LINGO2: variants seen among roughly 807,000 people sequenced by gnomAD.
LINGO2 encodes leucine rich repeat and Ig domain containing 2, also known as leucine-rich repeat and immunoglobulin-like domain-containing nogo receptor-interacting protein 2.
In LINGO2, 14 loss-of-function variants were observed where a neutral mutation model predicts 30.6. The ratio of observed to expected loss-of-function variants is 0.46; its 90% CI spans 0.30 to 0.72. The LOEUF (loss-of-function observed/expected upper bound fraction) is 0.72, where lower values mean the gene tolerates loss of function less well. Ranked by LOEUF, LINGO2 falls within the 30% of genes least tolerant of loss-of-function variation. The pLI, the probability that LINGO2 is intolerant of heterozygous loss-of-function variation, is 0.07. For missense variants in LINGO2, 729 were observed against 751.7 expected (o/e 0.97, Z 0.35); for synonymous variants, 317 against 288.5 (o/e 1.10, Z -1.00).
At position 28,049,731 on chromosome 9, in the gene LINGO2, A is replaced by G. The variant is rs1429851131; in HGVS notation, c.-86-37326T>C. Among the ~76,000 whole-genome samples the G allele has an allele frequency of 6.0e-5, 9 of 150,646 alleles. 1 individual carries two copies. The East Asian group carries it at 1.6e-3, about 26-fold the overall frequency. ...CTGATGCGGCAGGTCTAACAGGTCTATTTCAAGGGCTTTGACATTACTGGA... is the reference window on the plus strand; with the variant it reads ...CTGATGCGGCAGGTCTAACAGGTCTGTTTCAAGGGCTTTGACATTACTGGA... On this transcript the variant is annotated intron_variant, in intron 4 of 5. Coordinates refer to ENST00000379992, the Ensembl canonical transcript of LINGO2.
At chr9:28,050,343 A>G (rs1371298891) in intron 4 of LINGO2, among the ~76,000 whole-genome samples, 1 of 150,732 alleles carries the variant, frequency 6.6e-6, no homozygotes, top group Non-Finnish European at 1.5e-5. Context: ...CACTTTGGTT[A>G]AAGCCCCATA....
the LINGO2 span, among the ~76,000 whole-genome samples, chr9:29,072,989 T>C: frequency 2.0e-5 from 3 of 146,354 alleles, no homozygotes; most frequent in South Asian, 7.1e-4. Flanking sequence ...TCTCTCCTCC[T>C]ATCTCCCATG....
intron 1 of LINGO2, among the ~76,000 whole-genome samples, chr9:28,665,482 C>T (rs1471950689): frequency 6.6e-6 from 1 of 152,016 alleles, no homozygotes; most frequent in Non-Finnish European, 1.5e-5. Flanking sequence ...AAAAACCTTG[C>T]TATTTGGAGT....
chr9:28,489,902 A>C (rs1245605498), intron 1 of LINGO2, among the ~76,000 whole-genome samples: 2 of 150,590 alleles, frequency 1.3e-5, no homozygotes, highest in South Asian at 4.2e-4. Flanking sequence ...GTCTCAAAAA[A>C]AAAAAAAAAA....
chr9:27,940,416 T>C, the LINGO2 span: 1 of 152,148 alleles, frequency 6.6e-6, no homozygotes, highest in Non-Finnish European at 1.5e-5. Context: ...TAGAAGCCAG[T>C]GTTTTCAGAT....
At chr9:29,182,553 G>A in the LINGO2 span, among the ~76,000 whole-genome samples, 4 of 152,228 alleles carry the variant, frequency 2.6e-5, no homozygotes, top group East Asian at 7.7e-4. Flanking sequence ...TCTTAACAGG[G>A]AAAAATGCTG....
the LINGO2 span, among the ~76,000 whole-genome samples, chr9:28,786,199 G>A: frequency 6.6e-6 from 1 of 152,128 alleles, no homozygotes; most frequent in Non-Finnish European, 1.5e-5. Flanking sequence ...TATCAGAGAA[G>A]TTACTGTTAA....
intron 1 of LINGO2, among the ~76,000 whole-genome samples, chr9:28,549,021 G>A (rs1035489802): frequency 4.0e-5 from 6 of 151,834 alleles, no homozygotes; most frequent in African/African-American, 1.5e-4. Context: ...ACATTAACCT[G>A]TACACAGTTC....
intron 2 of LINGO2, among the ~76,000 whole-genome samples, chr9:28,430,103 CGCGCGCGTGTGT>C (rs1187923456): frequency 1.1e-4 from 8 of 73,378 alleles, no homozygotes; most frequent in Admixed American, 6.9e-4. Flanking sequence ...TCCACGCGCG[CGCGCGCGTGTGT>C]GTGTGTGTGT....
chr9:28,990,136 A>C, the LINGO2 span, among the ~76,000 whole-genome samples: 1 of 152,100 alleles, frequency 6.6e-6, no homozygotes, highest in African/African-American at 2.4e-5. Context: ...TCCCTTTCCT[A>C]GTCAAAGAAA....
chr9:28,185,137 G>A (rs556529111), intron 4 of LINGO2, among the ~76,000 whole-genome samples: 1 of 152,024 alleles, frequency 6.6e-6, no homozygotes, highest in Non-Finnish European at 1.5e-5. Context: ...TTATTACTTT[G>A]GTTTAAGCAT....
intron 1 of LINGO2, among the ~76,000 whole-genome samples, chr9:28,485,170 C>T (rs977490584): frequency 6.6e-6 from 1 of 152,244 alleles, no homozygotes; most frequent in South Asian, 2.1e-4. Flanking sequence ...TCTTTGATTA[C>T]AATTTGACCC....
intron 3 of LINGO2, among the ~76,000 whole-genome samples, chr9:28,370,805 T>A (rs950537021): frequency 6.6e-6 from 1 of 152,206 alleles, no homozygotes; most frequent in African/African-American, 2.4e-5. Context: ...CCCTATTTGG[T>A]CATTAGTGAA....
At position 28,132,533 on chromosome 9, in the gene LINGO2, T is replaced by C. The variant is rs1030934867; in HGVS notation, c.-86-120128A>G. 1.7e-4 allele frequency among the ~76,000 whole-genome samples: 26 copies of C among 152,292 alleles called. 1 individual carries two copies. The highest frequency in any genetic ancestry group is 9.2e-4 in the Admixed American group (14 of 15,300). On this transcript the variant is annotated intron_variant, in intron 4 of 5. Transcript: ENST00000379992. ...TTCAGTTAGATAGCTTTTAGCTCCA[T>C]GGCCAGTTATTTAGATTTCCTGAGG...
At chr9:28,648,595 T>C (rs1034385209) in intron 1 of LINGO2, among the ~76,000 whole-genome samples, 1 of 152,136 alleles carries the variant, frequency 6.6e-6, no homozygotes, top group African/African-American at 2.4e-5. Context: ...TAAAATATTA[T>C]GCTGTTTAAT....
intron 4 of LINGO2, among the ~76,000 whole-genome samples, chr9:28,196,747 C>A (rs756295336): frequency 2.0e-4 from 30 of 151,852 alleles, no homozygotes; most frequent in Admixed American, 1.2e-3. Flanking sequence ...CAATTTATAT[C>A]TAAAGGTTAC....
At chr9:28,084,125 G>A (rs1825844681) in intron 4 of LINGO2, among the ~76,000 whole-genome samples, 1 of 152,110 alleles carries the variant, frequency 6.6e-6, no homozygotes, top group Non-Finnish European at 1.5e-5. Context: ...TGGTAGGGAA[G>A]AAGGCAACCA....
the LINGO2 span, among the ~76,000 whole-genome samples, chr9:28,835,159 G>C: frequency 1.3e-5 from 2 of 152,114 alleles, no homozygotes; most frequent in Non-Finnish European, 2.9e-5. Context: ...CTGAAGTCAT[G>C]AACTCAAAAA....
chr9:28,055,215 T>C (rs983736317), intron 4 of LINGO2, among the ~76,000 whole-genome samples: 3 of 152,164 alleles, frequency 2.0e-5, no homozygotes, highest in South Asian at 4.1e-4. Flanking sequence ...CAATTTCTTA[T>C]GAACGTGAAA....
Sources: gnomAD v4.1 joint callset for allele counts (sites outside exome capture counted in the v4.1 genomes callset) on GRCh38, gnomAD v4.1.1 for gene constraint, MANE v1.5 for transcripts, NCBI Gene and HGNC (gene_info 2026-07-23, HGNC 2026-07-21) for gene names.